METTL17: variants seen among roughly 807,000 people sequenced by gnomAD.
The protein encoded by METTL17 is ribosome assembly protein METTL17, mitochondrial.
Under a neutral mutation model 59.4 loss-of-function variants are expected in METTL17, and 49 were observed. The observed-to-expected ratio is 0.82, with a 90% CI of 0.66 to 1.05. METTL17 has a LOEUF of 1.05. METTL17 is among the 50% of genes least tolerant of loss of function. METTL17 has a pLI of 0.00. For synonymous variants in METTL17, 208 were observed against 209.2 expected (o/e 0.99, Z 0.05); for missense variants, 555 against 578.4 (o/e 0.96, Z 0.41).
At position 20,994,797 on chromosome 14, in the gene METTL17, C is replaced by T. The variant is rs770217774; in HGVS notation, c.772C>T (p.Gln258Ter). The T allele has an allele frequency of 5.6e-6, 9 of 1,612,696 alleles. No homozygotes were observed. In the Admixed American group the frequency reaches 1.3e-4, roughly 24 times the overall value. Residue 258 changes from glutamine (Q) to a stop codon, truncating the protein, a stop_gained, in exon 9 of 14, where the codon CAG becomes TAG. Coordinates refer to ENST00000339374, the MANE Select transcript of METTL17 (RefSeq NM_022734.3). LOFTEE classifies it high-confidence loss of function. ...RQFLPVSPKV[Q>*]FDVVVSAFSL... is the part of the protein sequence containing the mutation. The stretch of plus-strand genomic sequence containing the variant: ...TGTTCCTTGTCTTGGTCCTCAGGTG[C>T]AGTTTGATGTAGTAGTGTCAGCTTT...
chr14:20,996,521 T>C lies in METTL17; in HGVS notation c.1081-6T>C. 6.2e-7 allele frequency: 1 copy of C among 1,608,260 alleles called. No individual in the cohort carries two copies. Among genetic ancestry groups the C allele is most frequent in the Non-Finnish European group, 8.5e-7 (1 of 1,175,686 alleles). On this transcript the variant is annotated splice_region_variant and splice_polypyrimidine_tract_variant and intron_variant, in intron 12 of 13. Transcript: ENST00000339374. ...TTCTAAACAGTCTCTATGTTCCTTA[T>C]CTTAGAACAAGAAACCAAAGGAAGA...
chr14:20,993,522 C>T, intron 6 of METTL17: 1 of 286,824 alleles, frequency 3.5e-6, no homozygotes, highest in Middle Eastern at 1.1e-3. Context: ...GTCGCCCAGG[C>T]TGGAGTGCAG....
chr14:20,996,488 T>A, intron 12 of METTL17, 39 bp from the exon 13 acceptor site: 1 of 1,575,778 alleles, frequency 6.3e-7, no homozygotes, highest in Non-Finnish European at 8.6e-7. Context: ...TTTTCCCATA[T>A]CTTTTTCTTC....
At chr14:20,996,071 A>C in intron 11 of METTL17, 120 bp downstream of exon 11, 1 of 1,301,132 alleles carries the variant, frequency 7.7e-7, no homozygotes, top group Non-Finnish European at 1.1e-6. Context: ...GTTCCTACCT[A>C]ATGATTCCCC....
In METTL17 at chr14:20,996,664, A is replaced by G. The variant is rs1386348047; in HGVS notation, c.1218A>G (p.Pro406=). The change falls in exon 13 of 14, where the codon CCA becomes CCG. Residue 406 remains proline (P), a synonymous_variant. Coordinates refer to ENST00000339374, the MANE Select transcript of METTL17 (RefSeq NM_022734.3). The stretch of plus-strand genomic sequence containing the variant: ...ATGTGCATTGTCACTTGTGCTGTCC[A>G]GATGGGCACATGCAGCATGCTGTGC... ...PRHVHCHLCC[P]DGHMQHAVLT... 1.9e-6 allele frequency: 3 copies of G among 1,614,276 alleles called. No individual in the cohort carries two copies. The highest frequency in any genetic ancestry group is 1.1e-5 in the South Asian group (1 of 91,088).
At chr14:20,995,254 A>G (rs375105673) in intron 10 of METTL17, 21 bp downstream of exon 10, 1 of 1,599,866 alleles carries the variant, frequency 6.3e-7, no homozygotes, top group Non-Finnish European at 8.6e-7. Context: ...TTCTTCCCTC[A>G]CTCCCCCACC....
rs190251823 is a variant in METTL17 at position 20,990,397 on chromosome 14, G to A, written c.229+14G>A. On this transcript the variant is annotated intron_variant, in intron 2 of 13. Transcript: ENST00000339374. ...TATTGCTACTTGGTGAGTAACGGCG[G>A]GAAAGCGAGAAGAAACGGGACTGGA... is the stretch of plus-strand genomic sequence containing the variant. 3.8e-5 allele frequency: 62 copies of A among 1,613,612 alleles called. No homozygotes were observed. In the African/African-American group the frequency reaches 7.7e-4, roughly 20 times the overall value.
Position 20,990,598 on chromosome 14 carries a change from G to A in METTL17, c.364G>A (p.Asp122Asn), listed in dbSNP as rs768470407. Residue 122 changes from aspartate (D) to asparagine (N), a missense_variant and splice_region_variant, in exon 3 of 14, where the codon GAC becomes AAC. Coordinates refer to ENST00000339374, the MANE Select transcript of METTL17 (RefSeq NM_022734.3). ...HLEKKFLENP[D>N]LSQTEEKLRG... ...TGAGAAAAAATTCCTGGAAAACCCA[G>A]GTAGGACTTAAGAATAATTAAAAAG... The A allele has an allele frequency of 1.2e-6, 2 of 1,614,016 alleles. No homozygotes were observed. Among genetic ancestry groups the A allele is most frequent in the Admixed American group, 1.7e-5 (1 of 59,986 alleles).
rs757352710 is a variant in METTL17, at chr14:20,996,593, C to T, written c.1147C>T (p.His383Tyr). Reference protein sequence around the residue: ...ILARGSPEEAHRWPRITQPVL... With the variant: ...ILARGSPEEAYRWPRITQPVL... ...TGCTCGGGGGTCTCCAGAGGAGGCTCATCGCTGGCCCCGTATCACTCAGCC... is the reference window on the plus strand; with the variant it reads ...TGCTCGGGGGTCTCCAGAGGAGGCTTATCGCTGGCCCCGTATCACTCAGCC... Residue 383 changes from histidine to tyrosine, a missense_variant, in exon 13 of 14, where the codon CAT (histidine) becomes TAT (tyrosine). Transcript: ENST00000339374. The T allele has an allele frequency of 7.4e-5, 119 of 1,614,112 alleles. No homozygotes were observed. Among genetic ancestry groups the T allele is most frequent in the Non-Finnish European group, 9.9e-5 (117 of 1,180,052 alleles).
intron 11 of METTL17, 114 bp from the exon 12 acceptor site, chr14:20,996,095 C>T (rs1880355031): frequency 6.3e-6 from 8 of 1,272,462 alleles, no homozygotes; most frequent in Non-Finnish European, 9.2e-6. Context: ...CTCTTCCTAC[C>T]CACTGCTCCT....
chr14:20,995,123 T>C (rs1456904433), intron 9 of METTL17, 42 bp from the exon 10 acceptor site: 1 of 1,567,548 alleles, frequency 6.4e-7, no homozygotes, highest in Non-Finnish European at 8.8e-7. Context: ...TATACTTTCG[T>C]GTAATTCAAG....
chr14:20,993,343 A>G (rs2783779), intron 6 of METTL17, 152 bp downstream of exon 6: 180,509 of 648,862 alleles, frequency 0.28, 26,394 homozygotes, highest in Middle Eastern at 0.35. Flanking sequence ...GCAAGGCAGA[A>G]GAAGGTATAT....
At chr14:20,990,192 T>TTG (rs71642204) in intron 1 of METTL17, 38 bp from the exon 2 acceptor site, 33,590 of 1,613,774 alleles carry the variant, frequency 0.021, 555 homozygotes, top group East Asian at 0.078. Context: ...CAACTTTCCT[T>TTG]TCTGCCAGGA....
At chr14:20,991,232 C>G (rs771771851) in intron 3 of METTL17, among the ~76,000 whole-genome samples, 3 of 152,166 alleles carry the variant, frequency 2.0e-5, no homozygotes, top group Non-Finnish European at 4.4e-5. Context: ...TGGATGGTCC[C>G]TGCCCAGTAC....
chr14:20,996,406 G>A, intron 12 of METTL17, 114 bp downstream of exon 12: 1 of 1,464,076 alleles, frequency 6.8e-7, no homozygotes, highest in Non-Finnish European at 9.4e-7. Flanking sequence ...AGACTTTAGG[G>A]CCTACATGTA....
In METTL17 at chr14:20,989,981, T is replaced by C. The variant is rs114900667; in HGVS notation, c.-22T>C. The C allele has an allele frequency of 3.1e-3, 4,819 of 1,569,282 alleles. 93 individuals are homozygous for C. In the African/African-American group the frequency reaches 0.048, roughly 16 times the overall value. On this transcript the variant is annotated 5_prime_UTR_variant, in exon 1 of 14. Coordinates refer to ENST00000339374, the MANE Select transcript of METTL17 (RefSeq NM_022734.3). ...AGGGTCACAGGCACCTGTATTTCCG[T>C]TTCCGGTTCGCCTCCGGAGCCATGG...
chr14:20,992,243 G>A (rs770427149), intron 4 of METTL17, 38 bp downstream of exon 4: 1 of 1,326,688 alleles, frequency 7.5e-7, no homozygotes, highest in African/African-American at 1.5e-5. Context: ...GAAAGCAAAG[G>A]TAGACTTTAG....
At chr14:20,994,140 G>A in intron 7 of METTL17, 77 bp downstream of exon 7, 13 of 1,018,536 alleles carry the variant, frequency 1.3e-5, no homozygotes, top group Non-Finnish European at 2.0e-5. Flanking sequence ...TTACTGGGAA[G>A]TAGAGAAGAG....
At chr14:20,993,459 T>C in intron 6 of METTL17, 1 of 470,238 alleles carries the variant, frequency 2.1e-6, no homozygotes, top group East Asian at 3.5e-5. Context: ...TGCCTACAAA[T>C]AGTATTTTGA....
Sources: allele counts gnomAD v4.1 joint callset (sites outside exome capture counted in the v4.1 genomes callset), GRCh38; gene constraint gnomAD v4.1.1; transcripts MANE v1.5; gene names NCBI Gene and HGNC (gene_info 2026-07-23, HGNC 2026-07-21).